Variants in COL9A1 observed in about 807,000 individuals in gnomAD.
COL9A1 encodes collagen type IX alpha 1 chain.
In COL9A1, 104 loss-of-function variants were observed where a neutral mutation model predicts 142.6. The observed-to-expected ratio is 0.73, with a 90% CI of 0.62 to 0.86. COL9A1 has a LOEUF of 0.86. Ranked by LOEUF, COL9A1 falls within the 40% of genes least tolerant of loss-of-function variation. The probability of loss-of-function intolerance (pLI) is 0.00; values close to 1 mark genes in which losing one functional copy is unlikely to be tolerated. For missense variants in COL9A1, 1,210 were observed against 1,176.6 expected, an observed-to-expected ratio of 1.03 and a Z score of -0.42; for synonymous variants, 466 against 396.0, an observed-to-expected ratio of 1.18 and a Z score of -2.10.
intron 24 of COL9A1, 161 bp downstream of exon 24, chr6:70,254,802 T>A: frequency 1.3e-6 from 1 of 755,472 alleles, no homozygotes; most frequent in Non-Finnish European, 2.3e-6. Flanking sequence ...ACTATTCTAG[T>A]AAGTATTTCA....
intron 21 of COL9A1, among the ~76,000 whole-genome samples, chr6:70,255,739 G>C (rs1771242643): frequency 6.6e-6 from 1 of 152,140 alleles, no homozygotes; most frequent in South Asian, 2.1e-4. Context: ...GAGGTTTGAG[G>C]TTTGGATTAG....
At chr6:70,302,512 T>C (rs572407759) in intron 1 of COL9A1, among the ~76,000 whole-genome samples, 1 of 152,172 alleles carries the variant, frequency 6.6e-6, no homozygotes, top group South Asian at 2.1e-4. Context: ...CCAGCCTTCA[T>C]TTTTACTTTG....
intron 33 of COL9A1, among the ~76,000 whole-genome samples, chr6:70,238,915 G>C (rs1770072540): frequency 6.6e-6 from 1 of 152,230 alleles, no homozygotes; most frequent in South Asian, 2.1e-4. Flanking sequence ...GAGGTGGGCA[G>C]ATCACCTGAG....
chr6:70,245,742 ATC>A (rs1770555600), intron 28 of COL9A1: 1 of 152,196 alleles, frequency 6.6e-6, no homozygotes, highest in African/African-American at 2.4e-5. Context: ...ATCACTTGAG[ATC>A]AGGAGTTCGA....
chr6:70,297,517 T>C (rs1295369485), intron 4 of COL9A1, among the ~76,000 whole-genome samples: 5 of 152,160 alleles, frequency 3.3e-5, no homozygotes, highest in Non-Finnish European at 7.4e-5. Flanking sequence ...GTCTAATTTA[T>C]AGAACAGTCA....
chr6:70,216,450 T>G lies in COL9A1; in HGVS notation c.*447A>C, dbSNP rs1768508606. On this transcript the variant is annotated 3_prime_UTR_variant, in exon 38 of 38. Coordinates refer to ENST00000357250, the MANE Select transcript of COL9A1 (RefSeq NM_001851.6). ...GAATGTAGTGGGGTTTCTTCATAAC[T>G]AGTCTAGTAATCCTCTATATAACTG... 1 of 181,814 alleles carries G rather than the reference T, an allele frequency of 5.5e-6. No individual in the cohort carries two copies. Among genetic ancestry groups the G allele is most frequent in the Non-Finnish European group, 1.2e-5 (1 of 84,614 alleles). 11.3% of individuals were successfully genotyped at this position (181,814 alleles called of 1,614,324 possible).
chr6:70,285,790 T>A (rs1773430100), intron 5 of COL9A1, among the ~76,000 whole-genome samples: 1 of 152,266 alleles, frequency 6.6e-6, no homozygotes, highest in Non-Finnish European at 1.5e-5. Context: ...CATAAAATAT[T>A]TCTCCATTGT....
chr6:70,274,069 A>T lies in COL9A1; in HGVS notation c.1043T>A (p.Val348Glu). ...TACTGGAAATCCACGCGATCCAGGC[A>T]CACCAGGTTCTCCCTAAAAATAAAA... is the stretch of plus-strand genomic sequence containing the variant. ...GSKGQKGEPG[V>E]PGSRGFPGRG... Residue 348 changes from valine (V) to glutamate (E), a missense_variant, in exon 12 of 38, where the codon GTG becomes GAG. Transcript: ENST00000357250. The T allele has an allele frequency of 1.3e-6, 2 of 1,586,478 alleles. No homozygotes were observed. Among genetic ancestry groups the T allele is most frequent in the African/African-American group, 2.7e-5 (2 of 73,920 alleles).
At chr6:70,260,548 CAAAAAA>C in intron 20 of COL9A1, 103 bp downstream of exon 20, 5 of 625,356 alleles carry the variant, frequency 8.0e-6, no homozygotes, top group Non-Finnish European at 9.6e-6. Flanking sequence ...AACTCCATCT[CAAAAAA>C]AAAAAAAAAA....
intron 10 of COL9A1, among the ~76,000 whole-genome samples, chr6:70,275,992 A>ATTT (rs1772733862): frequency 6.6e-6 from 1 of 152,150 alleles, no homozygotes; most frequent in Non-Finnish European, 1.5e-5. Context: ...CCATTTTTAC[A>ATTT]TTTCTCTACC....
At chr6:70,290,438 A>G (rs1246978157) in intron 5 of COL9A1, among the ~76,000 whole-genome samples, 2 of 152,130 alleles carry the variant, frequency 1.3e-5, no homozygotes, top group African/African-American at 4.8e-5. Context: ...TGCATTGGGA[A>G]AAAATATAAA....
At chr6:70,262,521 G>C (rs1266542951) in intron 19 of COL9A1, among the ~76,000 whole-genome samples, 1 of 152,186 alleles carries the variant, frequency 6.6e-6, no homozygotes, top group East Asian at 1.9e-4. Context: ...TCTAAGAATA[G>C]TACCTGAGCT....
chr6:70,253,313 A>C lies in COL9A1; in HGVS notation c.1764+72T>G, dbSNP rs1316227618. 4 of 1,063,916 alleles carry C rather than the reference A, an allele frequency of 3.8e-6. No homozygotes were observed. In the East Asian group the frequency reaches 1.0e-4, roughly 28 times the overall value. 65.9% of individuals were successfully genotyped at this position (1,063,916 alleles called of 1,614,324 possible). On this transcript the variant is annotated intron_variant, in intron 26 of 37. Transcript: ENST00000357250. Reference sequence around the variant, plus strand: ...AATAAAACACATGCTGAAAATATTAAAAATTACAAATACGTTAGTAAATAA... The same window carrying C: ...AATAAAACACATGCTGAAAATATTACAAATTACAAATACGTTAGTAAATAA...
At chr6:70,276,344 A>T (rs1772761055) in intron 10 of COL9A1, among the ~76,000 whole-genome samples, 1 of 152,072 alleles carries the variant, frequency 6.6e-6, no homozygotes, top group African/African-American at 2.4e-5. Flanking sequence ...TCTAATTCTC[A>T]CTTAATGCAT....
chr6:70,246,819 A>T (rs1770638532), intron 28 of COL9A1, among the ~76,000 whole-genome samples: 1 of 152,244 alleles, frequency 6.6e-6, no homozygotes. Context: ...AGACAAGAAC[A>T]CTGAGCCCAG....
At chr6:70,272,189 C>A in intron 12 of COL9A1, 101 bp from the exon 13 acceptor site, 5 of 900,430 alleles carry the variant, frequency 5.6e-6, no homozygotes, top group Non-Finnish European at 6.8e-6. Flanking sequence ...AACTCTATTA[C>A]TAAAAATGAT....
intron 1 of COL9A1, 131 bp downstream of exon 1, chr6:70,302,780 G>T: frequency 9.7e-7 from 1 of 1,027,376 alleles, no homozygotes; most frequent in South Asian, 1.3e-5. Flanking sequence ...TCTCTCATCC[G>T]TCTCTCTTTC....
At chr6:70,224,832 T>C (rs1769124784) in intron 37 of COL9A1, among the ~76,000 whole-genome samples, 3 of 152,316 alleles carry the variant, frequency 2.0e-5, no homozygotes, top group Admixed American at 1.3e-4. Flanking sequence ...TGTGAAAACA[T>C]TTTGATGAGC....
chr6:70,223,637 C>T (rs1441529962), intron 37 of COL9A1, among the ~76,000 whole-genome samples: 4 of 152,352 alleles, frequency 2.6e-5, no homozygotes, highest in Admixed American at 2.6e-4. Context: ...AACCCAAGCC[C>T]TCAGCTGGTG....
Sources: gnomAD v4.1 joint callset for allele counts (sites outside exome capture counted in the v4.1 genomes callset) on GRCh38, gnomAD v4.1.1 for gene constraint, MANE v1.5 for transcripts, NCBI Gene and HGNC (gene_info 2026-07-23, HGNC 2026-07-21) for gene names.